DIP2B: variants seen among roughly 807,000 people sequenced by gnomAD.
DIP2B encodes disco-interacting protein 2 homolog B.
Under a neutral mutation model 198.0 loss-of-function variants are expected in DIP2B, and 76 were observed. The observed-to-expected ratio is 0.38, with a 90% CI of 0.32 to 0.46. The LOEUF is 0.46. Among genes scored for constraint, DIP2B ranks in the 20% least tolerant of loss-of-function variants. DIP2B has a pLI of 0.99. For synonymous variants in DIP2B, 701 were observed against 739.1 expected, an observed-to-expected ratio of 0.95 and a Z score of 0.84; for missense variants, 1,559 against 1,978.4, an observed-to-expected ratio of 0.79 and a Z score of 4.02.
chr12:50,612,046 G>T (rs1388963346), intron 1 of DIP2B, among the ~76,000 whole-genome samples: 2 of 151,956 alleles, frequency 1.3e-5, no homozygotes, highest in Admixed American at 1.3e-4. Flanking sequence ...GCCAGGGGAG[G>T]TGGCTCACAT....
intron 1 of DIP2B, among the ~76,000 whole-genome samples, chr12:50,559,471 T>A (rs1179096230): frequency 6.6e-6 from 1 of 152,096 alleles, no homozygotes; most frequent in East Asian, 1.9e-4. Flanking sequence ...CTGGGCATAG[T>A]GTCTCATGCC....
At chr12:50,547,244 G>A (rs536388898) in intron 1 of DIP2B, among the ~76,000 whole-genome samples, 1 of 152,184 alleles carries the variant, frequency 6.6e-6, no homozygotes, top group Non-Finnish European at 1.5e-5. Context: ...GCTTAAAACA[G>A]TGAAATATTT....
At chr12:50,652,943 C>A (rs1938482935) in intron 3 of DIP2B, among the ~76,000 whole-genome samples, 1 of 136,450 alleles carries the variant, frequency 7.3e-6, no homozygotes, top group African/African-American at 2.7e-5. Flanking sequence ...AGAAACACAA[C>A]TGTTTTTTTT....
intron 3 of DIP2B, among the ~76,000 whole-genome samples, chr12:50,652,763 T>C (rs1211188519): frequency 3.3e-5 from 5 of 152,186 alleles, no homozygotes; most frequent in African/African-American, 4.8e-5. Context: ...ACACAGGATC[T>C]CTTTCCTATG....
intron 1 of DIP2B, among the ~76,000 whole-genome samples, chr12:50,519,469 C>T (rs141833171): frequency 3.2e-4 from 48 of 152,098 alleles, no homozygotes; most frequent in African/African-American, 1.2e-3. Context: ...ATTTTATGTA[C>T]TTGTCTTTTG....
rs78347160 is a variant in DIP2B at position 50,673,837 on chromosome 12, C to T, written c.641-637C>T. On this transcript the variant is annotated intron_variant, in intron 5 of 37. Transcript: ENST00000301180. ...GTAGAGTAGAATAACACTATTTAGT[C>T]TCTACCTGGAGCAAAGGAAGAACCT... Among the ~76,000 whole-genome samples, 341 of 152,290 alleles carry T rather than the reference C, an allele frequency of 2.2e-3. 3 individuals carry two copies. Among genetic ancestry groups the T allele is most frequent in the Non-Finnish European group, 3.7e-3 (254 of 68,016 alleles).
intron 1 of DIP2B, among the ~76,000 whole-genome samples, chr12:50,609,144 TAAAA>T (rs200281756): frequency 6.7e-6 from 1 of 150,048 alleles, no homozygotes; most frequent in Non-Finnish European, 1.5e-5. Context: ...AAAAAAATAA[TAAAA>T]AAAAAATTAT....
At chr12:50,664,535 T>C (rs1022466934) in intron 4 of DIP2B, among the ~76,000 whole-genome samples, 1 of 152,172 alleles carries the variant, frequency 6.6e-6, no homozygotes, top group Non-Finnish European at 1.5e-5. Flanking sequence ...CCTCAGCTCT[T>C]TCTTTGTAGG....
intron 1 of DIP2B, among the ~76,000 whole-genome samples, chr12:50,593,711 CTCTCCTCTCCTCTCCTCTCCTCT>C (rs1958842006): frequency 6.0e-4 from 2 of 3,336 alleles, no homozygotes; most frequent in African/African-American, 2.7e-3. Flanking sequence ...CTCTCCCCTC[CTCTCCTCTCCTCTCCTCTCCTCT>C]CCTCTCCTCT....
At position 50,660,592 on chromosome 12, in the gene DIP2B, T is replaced by C. The variant is rs117856816; in HGVS notation, c.427+273T>C. ...TTTTTGGCTGTAATCCCCAGACTTA[T>C]GTAGTCATAAATACAGGCCAAAGCT... On this transcript the variant is annotated intron_variant, in intron 4 of 37. Transcript: ENST00000301180. Among the ~76,000 whole-genome samples the C allele has an allele frequency of 6.7e-3, 1,021 of 152,256 alleles. 8 individuals carry two copies. Among genetic ancestry groups the C allele is most frequent in the Non-Finnish European group, 9.9e-3 (673 of 68,006 alleles).
Position 50,745,705 on chromosome 12 carries a change from A to C in DIP2B, c.*866A>C, listed in dbSNP as rs1940332122. 1 of 152,638 alleles carries C rather than the reference A, an allele frequency of 6.6e-6. No homozygotes were observed. Among genetic ancestry groups the C allele is most frequent in the South Asian group, 2.1e-4 (1 of 4,826 alleles). 9.5% of individuals were successfully genotyped at this position (152,638 alleles called of 1,614,324 possible). ...TAAAAGCTGAAAATCTCAGTTTAAA[A>C]ATCAAAATGTTAACACAAAGCTAAG... On this transcript the variant is annotated 3_prime_UTR_variant, in exon 38 of 38. Transcript: ENST00000301180.
intron 26 of DIP2B, among the ~76,000 whole-genome samples, chr12:50,722,025 T>C (rs1939846057): frequency 6.6e-6 from 1 of 152,212 alleles, no homozygotes; most frequent in Admixed American, 6.5e-5. Flanking sequence ...TCTTCTGTTG[T>C]TGCTACTTTC....
At chr12:50,696,910 A>T in intron 16 of DIP2B, 151 bp from the exon 17 acceptor site, 1 of 608,778 alleles carries the variant, frequency 1.6e-6, no homozygotes, top group Non-Finnish European at 2.9e-6. Flanking sequence ...AAACCATCTC[A>T]CAGGGACAGT....
rs1261547039 is a variant in DIP2B at position 50,511,421 on chromosome 12, A to G, written c.100+6181A>G. Among the ~76,000 whole-genome samples the G allele has an allele frequency of 2.7e-5, 4 of 145,866 alleles. 1 individual carries two copies. Among genetic ancestry groups the G allele is most frequent in the African/African-American group, 1.0e-4 (4 of 39,474 alleles). On this transcript the variant is annotated intron_variant, in intron 1 of 37. Transcript: ENST00000301180. ...ATTCTCCTGCCTCAGCCTCCCCAAT[A>G]GCTGGGACTACAGGCAAATGTCACT...
At chr12:50,546,502 G>T (rs1958378918) in intron 1 of DIP2B, among the ~76,000 whole-genome samples, 1 of 152,202 alleles carries the variant, frequency 6.6e-6, no homozygotes, top group Non-Finnish European at 1.5e-5. Flanking sequence ...TTTACCTTCT[G>T]TAAGTGAAGC....
At chr12:50,565,536 T>C (rs1487999632) in intron 1 of DIP2B, among the ~76,000 whole-genome samples, 3 of 152,274 alleles carry the variant, frequency 2.0e-5, no homozygotes, top group East Asian at 3.9e-4. Flanking sequence ...GACCTTGTGA[T>C]CTGTGCCACT....
chr12:50,514,967 T>A (rs1958050608), intron 1 of DIP2B, among the ~76,000 whole-genome samples: 1 of 151,334 alleles, frequency 6.6e-6, no homozygotes, highest in South Asian at 2.1e-4. Context: ...CTTCCAGCTT[T>A]AAAAAAAACA....
At chr12:50,509,544 CCTGT>C (rs1229086887) in intron 1 of DIP2B, among the ~76,000 whole-genome samples, 1 of 152,202 alleles carries the variant, frequency 6.6e-6, no homozygotes. Flanking sequence ...CTCCCTTTCT[CCTGT>C]CTGTTTCATC....
intron 1 of DIP2B, among the ~76,000 whole-genome samples, chr12:50,558,519 C>T (rs1958490388): frequency 6.6e-6 from 1 of 152,142 alleles, no homozygotes; most frequent in South Asian, 2.1e-4. Flanking sequence ...ACACTGTTTG[C>T]AGCACTGTAT....
Sources: gnomAD v4.1 joint callset for allele counts (sites outside exome capture counted in the v4.1 genomes callset) on GRCh38, gnomAD v4.1.1 for gene constraint, MANE v1.5 for transcripts, NCBI Gene and HGNC (gene_info 2026-07-23, HGNC 2026-07-21) for gene names.